PXDNL: variants seen among roughly 807,000 people sequenced by gnomAD.
PXDNL encodes peroxidasin like.
In PXDNL, 145 loss-of-function variants were observed where a neutral mutation model predicts 150.8. That is an observed-to-expected ratio of 0.96 (90% CI 0.84 to 1.10). The LOEUF is 1.10. Among genes scored for constraint, PXDNL ranks in the 50% least tolerant of loss-of-function variants. The pLI, the probability that PXDNL is intolerant of heterozygous loss-of-function variation, is 0.00. For synonymous variants in PXDNL, 757 were observed against 725.7 expected (o/e 1.04, Z -0.69); for missense variants, 2,087 against 1,873.9 (o/e 1.11, Z -2.10).
At chr8:51,600,281 A>C (rs189681855) in intron 2 of PXDNL, among the ~76,000 whole-genome samples, 2,613 of 95,084 alleles carry the variant, frequency 0.027, 118 homozygotes, top group Middle Eastern at 0.069. Context: ...TTTAGATAAT[A>C]AATTATATCT....
intron 17 of PXDNL, among the ~76,000 whole-genome samples, chr8:51,375,726 C>A (rs1027855739): frequency 1.3e-5 from 2 of 152,150 alleles, no homozygotes; most frequent in African/African-American, 4.8e-5. Flanking sequence ...ACACTATGAA[C>A]ATTCTCTACA....
intron 2 of PXDNL, among the ~76,000 whole-genome samples, chr8:51,617,939 G>T (rs1814163729): frequency 6.6e-6 from 1 of 152,238 alleles, no homozygotes; most frequent in South Asian, 2.1e-4. Flanking sequence ...CGCACACACT[G>T]TGAGGGGTCT....
At chr8:51,527,096 G>C (rs1451700236) in intron 4 of PXDNL, among the ~76,000 whole-genome samples, 1 of 152,024 alleles carries the variant, frequency 6.6e-6, no homozygotes, top group Non-Finnish European at 1.5e-5. Flanking sequence ...TTATTTTCCT[G>C]CCTCTCAGTT....
intron 21 of PXDNL, among the ~76,000 whole-genome samples, chr8:51,330,118 G>T (rs112269427): frequency 5.9e-5 from 9 of 152,232 alleles, no homozygotes; most frequent in African/African-American, 1.9e-4. Flanking sequence ...CCCCTACACT[G>T]GGAGGGGCAC....
At chr8:51,348,166 C>T (rs1806219271) in intron 19 of PXDNL, among the ~76,000 whole-genome samples, 1 of 152,168 alleles carries the variant, frequency 6.6e-6, no homozygotes, top group South Asian at 2.1e-4. Context: ...AAATATCTTT[C>T]TTTTCAATTC....
At chr8:51,573,668 C>G (rs570994328) in intron 3 of PXDNL, among the ~76,000 whole-genome samples, 1 of 151,972 alleles carries the variant, frequency 6.6e-6, no homozygotes, top group African/African-American at 2.4e-5. Context: ...CTGACAATAA[C>G]GAGGCAGCAT....
chr8:51,403,333 T>C (rs767270756), intron 17 of PXDNL, among the ~76,000 whole-genome samples: 6 of 152,140 alleles, frequency 3.9e-5, no homozygotes, highest in Non-Finnish European at 7.3e-5. Flanking sequence ...AATGCTGTGG[T>C]CTGTGGATCT....
At chr8:51,495,349 C>G (rs1026643564) in intron 5 of PXDNL, among the ~76,000 whole-genome samples, 52 of 151,822 alleles carry the variant, frequency 3.4e-4, no homozygotes, top group Admixed American at 1.7e-3. Flanking sequence ...AAATTGACAC[C>G]CTAACATCAC....
intron 4 of PXDNL, among the ~76,000 whole-genome samples, chr8:51,535,653 C>A (rs1459305206): frequency 1.4e-5 from 2 of 140,888 alleles, no homozygotes; most frequent in Non-Finnish European, 3.0e-5. Flanking sequence ...GACCTTCCCT[C>A]CACTATTGTC....
chr8:51,394,432 C>T (rs1245414610), intron 17 of PXDNL, among the ~76,000 whole-genome samples: 2 of 152,160 alleles, frequency 1.3e-5, no homozygotes, highest in East Asian at 3.9e-4. Context: ...TGAAGAGGAA[C>T]AGTATCATTC....
rs114252502 is a variant in PXDNL, at chr8:51,651,959, C to T, written c.236+2730G>A. Among the ~76,000 whole-genome samples, 908 of 152,238 alleles carry T rather than the reference C, an allele frequency of 6.0e-3. 12 individuals carry two copies. The highest frequency in any genetic ancestry group is 0.02 in the African/African-American group (834 of 41,536). Reference sequence around the variant, plus strand: ...AGGCTCCAGCAATACATAACATTTCCGGATTTTTTATTAAGTAAACCTCTT... The same window carrying T: ...AGGCTCCAGCAATACATAACATTTCTGGATTTTTTATTAAGTAAACCTCTT... On this transcript the variant is annotated intron_variant, in intron 2 of 22. Transcript: ENST00000356297.
intron 17 of PXDNL, among the ~76,000 whole-genome samples, chr8:51,405,138 C>T (rs963687616): frequency 6.6e-5 from 10 of 152,186 alleles, no homozygotes; most frequent in South Asian, 2.1e-4. Context: ...CCAGAACTGG[C>T]GCTGGCCCGC....
At position 51,794,781 on chromosome 8, in the gene PXDNL, T is replaced by C. The variant is rs560162227; in HGVS notation, c.164+14400A>G. Among the ~76,000 whole-genome samples the C allele has an allele frequency of 4.6e-5, 7 of 152,318 alleles. 1 individual carries two copies. Among genetic ancestry groups the C allele is most frequent in the African/African-American group, 1.7e-4 (7 of 41,572 alleles). On this transcript the variant is annotated intron_variant, in intron 1 of 22. Transcript: ENST00000356297. Reference sequence around the variant, plus strand: ...TCTCCAAAATAACCAGCCAACATCATGATGACAGGATCAAATTCATACATA... The same window carrying C: ...TCTCCAAAATAACCAGCCAACATCACGATGACAGGATCAAATTCATACATA...
chr8:51,345,575 T>C (rs1806124628), intron 20 of PXDNL, among the ~76,000 whole-genome samples: 1 of 152,198 alleles, frequency 6.6e-6, no homozygotes, highest in South Asian at 2.1e-4. Flanking sequence ...GGATCAAAAC[T>C]AGCATCTAAT....
chr8:51,704,015 T>C (rs1300962986), intron 1 of PXDNL, among the ~76,000 whole-genome samples: 2 of 152,198 alleles, frequency 1.3e-5, no homozygotes, highest in African/African-American at 2.4e-5. Context: ...ACTACAAATA[T>C]GCATGTACTC....
chr8:51,583,588 A>G (rs1265894916), intron 3 of PXDNL, among the ~76,000 whole-genome samples: 1 of 152,300 alleles, frequency 6.6e-6, no homozygotes, highest in East Asian at 1.9e-4. Flanking sequence ...ATAGAAAATA[A>G]ATGAATAATG....
chr8:51,622,622 C>T (rs565323325), intron 2 of PXDNL, among the ~76,000 whole-genome samples: 11 of 152,244 alleles, frequency 7.2e-5, no homozygotes, highest in African/African-American at 2.4e-4. Context: ...ATAATAGCCA[C>T]GAACAACCAG....
At chr8:51,731,076 A>G (rs568457437) in intron 1 of PXDNL, among the ~76,000 whole-genome samples, 21 of 152,298 alleles carry the variant, frequency 1.4e-4, no homozygotes, top group African/African-American at 5.1e-4. Context: ...TGCCTTCCCA[A>G]CAGTCTCCCA....
chr8:51,608,565 C>A (rs183354902), intron 2 of PXDNL, among the ~76,000 whole-genome samples: 3 of 147,834 alleles, frequency 2.0e-5, no homozygotes, highest in Non-Finnish European at 4.4e-5. Context: ...AGGCCGGGCG[C>A]GGTGGCTCAC....
Sources: allele counts gnomAD v4.1 joint callset (sites outside exome capture counted in the v4.1 genomes callset), GRCh38; gene constraint gnomAD v4.1.1; transcripts MANE v1.5; gene names NCBI Gene and HGNC (gene_info 2026-07-23, HGNC 2026-07-21).